SLC35F4: variants seen among roughly 807,000 people sequenced by gnomAD.
SLC35F4 encodes chromosome 14 open reading frame 36.
SLC35F4 carries 24 observed loss-of-function variants against 44.2 expected under a neutral mutation model. The observed-to-expected ratio is 0.54, with a 90% CI of 0.39 to 0.76. The LOEUF (loss-of-function observed/expected upper bound fraction) is 0.76. Among genes scored for constraint, SLC35F4 ranks in the 30% least tolerant of loss-of-function variants. The probability of loss-of-function intolerance (pLI) is 0.00; values close to 1 mark genes in which losing one functional copy is unlikely to be tolerated. For missense variants in SLC35F4, 562 were observed against 586.1 expected (o/e 0.96, Z 0.42); for synonymous variants, 238 against 223.6 (o/e 1.06, Z -0.57).
chr14:57,581,149 C>A, intron 4 of SLC35F4, 65 bp downstream of exon 4: 1 of 1,419,232 alleles, frequency 7.0e-7, no homozygotes, highest in Non-Finnish European at 9.3e-7. Context: ...AGCAGACAGG[C>A]TCTCCTGAAG....
intron 1 of SLC35F4, among the ~76,000 whole-genome samples, chr14:57,625,907 G>T (rs1375613667): frequency 6.6e-6 from 1 of 152,138 alleles, no homozygotes. Context: ...CAATAGCAAA[G>T]ACTTGGAACC....
intron 1 of SLC35F4, among the ~76,000 whole-genome samples, chr14:57,779,882 A>G (rs2077575472): frequency 6.6e-6 from 1 of 151,966 alleles, no homozygotes; most frequent in Admixed American, 6.6e-5. Flanking sequence ...AAAACTCAAC[A>G]CCCCTTCGTA....
intron 1 of SLC35F4, among the ~76,000 whole-genome samples, chr14:57,896,844 A>G (rs1888882280): frequency 6.6e-6 from 1 of 152,170 alleles, no homozygotes; most frequent in Non-Finnish European, 1.5e-5. Flanking sequence ...AAATTACATA[A>G]TGTATGTAAA....
At chr14:57,856,740 A>C (rs1887139968) in intron 1 of SLC35F4, among the ~76,000 whole-genome samples, 2 of 152,054 alleles carry the variant, frequency 1.3e-5, no homozygotes, top group Admixed American at 6.5e-5. Context: ...ATACATAAAG[A>C]GGCACAAATC....
chr14:57,711,994 T>C (rs1316233375), intron 1 of SLC35F4, among the ~76,000 whole-genome samples: 1 of 152,234 alleles, frequency 6.6e-6, no homozygotes, highest in African/African-American at 2.4e-5. Flanking sequence ...GGTTTCTCAC[T>C]CTGTACATTA....
chr14:57,922,862 G>T (rs1488331416), intron 1 of SLC35F4, among the ~76,000 whole-genome samples: 1 of 152,222 alleles, frequency 6.6e-6, no homozygotes, highest in Non-Finnish European at 1.5e-5. Flanking sequence ...GATTCTGAGT[G>T]CTGGGATTAG....
chr14:57,702,980 T>C (rs552278442), intron 1 of SLC35F4, among the ~76,000 whole-genome samples: 3 of 152,262 alleles, frequency 2.0e-5, no homozygotes, highest in African/African-American at 7.2e-5. Context: ...TACACACACA[T>C]ACACACATAT....
At chr14:57,646,440 G>A (rs1339438180) in intron 1 of SLC35F4, among the ~76,000 whole-genome samples, 1 of 152,178 alleles carries the variant, frequency 6.6e-6, no homozygotes, top group Admixed American at 6.5e-5. Flanking sequence ...TCTGACGGTA[G>A]TTTGTATTTC....
intron 1 of SLC35F4, among the ~76,000 whole-genome samples, chr14:57,599,819 A>C (rs2070709506): frequency 6.8e-6 from 1 of 146,538 alleles, no homozygotes. Context: ...AAAAAAAAAA[A>C]CAACACCAGA....
chr14:57,939,857 A>G (rs578231787), intron 1 of SLC35F4, among the ~76,000 whole-genome samples: 1 of 152,346 alleles, frequency 6.6e-6, no homozygotes, highest in South Asian at 2.1e-4. Flanking sequence ...ATTTTTTTAC[A>G]TTCGCACTGC....
intron 1 of SLC35F4, among the ~76,000 whole-genome samples, chr14:57,647,198 ATCTG>A (rs1312324939): frequency 1.2e-4 from 18 of 150,872 alleles, no homozygotes; most frequent in Middle Eastern, 3.4e-3. Context: ...TGTCTCGTTG[ATCTG>A]TCTAATGTTG....
intron 1 of SLC35F4, among the ~76,000 whole-genome samples, chr14:57,609,328 T>G (rs1469822753): frequency 6.6e-6 from 1 of 152,226 alleles, no homozygotes; most frequent in Non-Finnish European, 1.5e-5. Flanking sequence ...CTCATTAAGC[T>G]CCTGGAAATC....
intron 1 of SLC35F4, among the ~76,000 whole-genome samples, chr14:57,817,645 A>C (rs1295845256): frequency 6.6e-6 from 1 of 152,064 alleles, no homozygotes; most frequent in Non-Finnish European, 1.5e-5. Flanking sequence ...AGGGTTTTAC[A>C]AGCAGAAAAT....
intron 1 of SLC35F4, among the ~76,000 whole-genome samples, chr14:57,897,000 T>C (rs960808781): frequency 3.3e-5 from 5 of 152,322 alleles, no homozygotes; most frequent in African/African-American, 4.8e-5. Context: ...AGATAAACTA[T>C]ACTAAGGTAC....
chr14:57,803,745 G>A (rs114986171), intron 1 of SLC35F4, among the ~76,000 whole-genome samples: 1,590 of 151,724 alleles, frequency 0.01, 27 homozygotes, highest in African/African-American at 0.037. Context: ...GCTTGACACC[G>A]TGCTTGGCTA....
chr14:57,971,359 G>C (rs1332048763), intron 1 of SLC35F4, among the ~76,000 whole-genome samples: 1 of 152,150 alleles, frequency 6.6e-6, no homozygotes, highest in African/African-American at 2.4e-5. Flanking sequence ...AATTTTAAAA[G>C]ATCCTGAATC....
intron 1 of SLC35F4, among the ~76,000 whole-genome samples, chr14:57,611,654 T>C (rs1014891246): frequency 1.3e-5 from 2 of 150,826 alleles, no homozygotes; most frequent in African/African-American, 4.9e-5. Context: ...GACAAGGAGA[T>C]TGAAAGTGAA....
rs1472927130 is a variant in SLC35F4, at chr14:57,594,117, G to A, written c.111C>T (p.Ser37=). 1.9e-6 allele frequency: 3 copies of A among 1,613,394 alleles called. No homozygotes were observed. The Admixed American group carries it at 5.0e-5, about 27-fold the overall frequency. Residue 37 remains serine, a synonymous_variant, in exon 2 of 8, where the codon TCC becomes TCT. Coordinates refer to ENST00000556826, the MANE Select transcript of SLC35F4 (RefSeq NM_001306087.2). The stretch of plus-strand genomic sequence containing the variant: ...GTTTACATCTAGTGACTGATGATCT[G>A]GAGGTACCTGGAAAGACAGAGTTCA... ...YPGYSSQKST[S]RSSVTRCKPG...
In SLC35F4 at chr14:57,851,321, C is replaced by A. The variant is rs144969302; in HGVS notation, c.103+14402G>T. Reference sequence around the variant, plus strand: ...AAAACTCAGTGGAATTATTTTATAGCCTGTACTTGTGAAGTAAACTTCCAA... The same window carrying A: ...AAAACTCAGTGGAATTATTTTATAGACTGTACTTGTGAAGTAAACTTCCAA... On this transcript the variant is annotated intron_variant, in intron 1 of 7. Coordinates refer to ENST00000556826, the MANE Select transcript of SLC35F4 (RefSeq NM_001306087.2). Among the ~76,000 whole-genome samples, 681 of 152,150 alleles carry A rather than the reference C, an allele frequency of 4.5e-3. 5 individuals carry two copies. The highest frequency in any genetic ancestry group is 0.016 in the African/African-American group (648 of 41,514).
Sources: allele counts gnomAD v4.1 joint callset (sites outside exome capture counted in the v4.1 genomes callset), GRCh38; gene constraint gnomAD v4.1.1; transcripts MANE v1.5; gene names NCBI Gene and HGNC (gene_info 2026-07-23, HGNC 2026-07-21).